Variants in ZSCAN30 observed in about 807,000 individuals in gnomAD.
The protein encoded by ZSCAN30 is zinc finger and SCAN domain-containing protein 30.
ZSCAN30 carries 37 observed loss-of-function variants against 44.3 expected under a neutral mutation model. The ratio of observed to expected loss-of-function variants is 0.84; its 90% CI spans 0.64 to 1.10. The LOEUF is 1.10. ZSCAN30 is among the 50% of genes least tolerant of loss of function. The pLI is 0.00. For missense variants in ZSCAN30, 549 were observed against 582.6 expected, an observed-to-expected ratio of 0.94 and a Z score of 0.59; for synonymous variants, 181 against 204.6, an observed-to-expected ratio of 0.88 and a Z score of 0.98.
chr18:35,274,563 C>A (rs1366220531), intron 1 of ZSCAN30, among the ~76,000 whole-genome samples: 1 of 152,150 alleles, frequency 6.6e-6, no homozygotes, highest in Non-Finnish European at 1.5e-5. Context: ...ACCAAGGTCC[C>A]AACCCTTAGT....
chr18:35,273,580 A>G (rs1316522414), intron 1 of ZSCAN30, among the ~76,000 whole-genome samples: 1 of 152,200 alleles, frequency 6.6e-6, no homozygotes. Context: ...CATTGTATGT[A>G]TCCGGTTTTC....
chr18:35,277,208 C>T (rs1195889531), intron 1 of ZSCAN30, among the ~76,000 whole-genome samples: 1 of 152,220 alleles, frequency 6.6e-6, no homozygotes, highest in African/African-American at 2.4e-5. Flanking sequence ...TTTGATTTTA[C>T]AGGCTCATAG....
Position 35,253,924 on chromosome 18 carries a change from G to C in ZSCAN30, c.1011C>G (p.Ala337=). 2 of 1,614,066 alleles carry C rather than the reference G, an allele frequency of 1.2e-6. No homozygotes were observed. The highest frequency in any genetic ancestry group is 2.2e-5 in the South Asian group (2 of 91,082). ...TAACAAGGTCTGAGCTCAAACTGAA[G>C]GCTTTGCCACATTCTTTACATGCAT... The part of the protein sequence containing the change: ...RPYACKECGK[A]FSLSSDLVRH... The change falls in exon 4 of 4, where the codon GCC becomes GCG. Residue 337 remains alanine, a synonymous_variant. Transcript: ENST00000333206.
intron 1 of ZSCAN30, chr18:35,268,372 G>T (rs1598634173): frequency 6.6e-6 from 1 of 152,286 alleles, no homozygotes; most frequent in Non-Finnish European, 1.5e-5. Context: ...AAGAATACAG[G>T]TGACCCATGA....
intron 1 of ZSCAN30, among the ~76,000 whole-genome samples, chr18:35,271,526 ACT>A (rs2044275625): frequency 2.0e-5 from 3 of 152,220 alleles, no homozygotes; most frequent in Non-Finnish European, 2.9e-5. Flanking sequence ...TGCATATACA[ACT>A]CTCTGGCTAG....
At position 35,264,526 on chromosome 18, in the gene ZSCAN30, G is replaced by C. The variant is rs145582015; in HGVS notation, c.-103-71C>G. The stretch of plus-strand genomic sequence containing the variant: ...TGGAATATAAATACAGGTTTTTGAA[G>C]CCCAGTTGCCAGGGAGCATAGCATT... On this transcript the variant is annotated intron_variant, in intron 1 of 3. Coordinates refer to ENST00000333206, the MANE Select transcript of ZSCAN30 (RefSeq NM_001112734.4). The C allele has an allele frequency of 7.9e-4, 536 of 675,688 alleles. 4 individuals carry two copies. The African/African-American group carries it at 8.7e-3, about 11-fold the overall frequency. 41.9% of individuals were successfully genotyped at this position (675,688 alleles called of 1,614,324 possible).
chr18:35,255,612 G>T (rs946073437), intron 3 of ZSCAN30, among the ~76,000 whole-genome samples: 5 of 152,042 alleles, frequency 3.3e-5, no homozygotes, highest in Admixed American at 6.5e-5. Flanking sequence ...ATTTGGCTTT[G>T]GAAAAGCATT....
chr18:35,273,173 A>G lies in ZSCAN30; in HGVS notation c.-103-8718T>C, dbSNP rs1042210404. The stretch of plus-strand genomic sequence containing the variant: ...TTTTATCTTCCCAAACTGAAACTCC[A>G]TACCAATTAAACAGTGATTCCCCAT... On this transcript the variant is annotated intron_variant, in intron 1 of 3. Transcript: ENST00000333206. Among the ~76,000 whole-genome samples the G allele has an allele frequency of 3.3e-5, 5 of 152,270 alleles. 1 individual carries two copies. The highest frequency in any genetic ancestry group is 4.2e-4 in the South Asian group (2 of 4,818).
chr18:35,254,400 A>G lies in ZSCAN30; in HGVS notation c.554-19T>C. ...CTGCCATCTAAAAATGTGAATAGAAAGTGTAAGTATCATTTACTTCCCATG... is the reference window on the plus strand; with the variant it reads ...CTGCCATCTAAAAATGTGAATAGAAGGTGTAAGTATCATTTACTTCCCATG... On this transcript the variant is annotated intron_variant, in intron 3 of 3. Transcript: ENST00000333206. 1 of 1,613,980 alleles carries G rather than the reference A, an allele frequency of 6.2e-7. No individual in the cohort carries two copies.
rs2043650434 is a variant in ZSCAN30, at chr18:35,252,983, T to TTCACAA, written c.*461_*466dup. 6.5e-6 allele frequency: 1 copy of TTCACAA among 154,872 alleles called. No individual in the cohort carries two copies. Among genetic ancestry groups the TTCACAA allele is most frequent in the Non-Finnish European group, 1.4e-5 (1 of 69,906 alleles). The allele number at this position is 154,872 out of a possible 1,614,324, so 9.6% of individuals were successfully genotyped here. The stretch of plus-strand genomic sequence containing the variant: ...TAAACTAATAGCATAATTCAATATT[T>TTCACAA]TCACAACCTCCAAATTCAACATTTC... On this transcript the variant is annotated 3_prime_UTR_variant, in exon 4 of 4. Transcript: ENST00000333206.
At chr18:35,276,166 A>G (rs1015154715) in intron 1 of ZSCAN30, among the ~76,000 whole-genome samples, 2 of 152,226 alleles carry the variant, frequency 1.3e-5, no homozygotes, top group African/African-American at 4.8e-5. Flanking sequence ...ATGAAATGAG[A>G]TGGAAGATAT....
intron 1 of ZSCAN30, among the ~76,000 whole-genome samples, chr18:35,273,767 A>G (rs1440913958): frequency 6.6e-6 from 1 of 152,234 alleles, no homozygotes; most frequent in East Asian, 1.9e-4. Context: ...TAATTAAATC[A>G]GGAATTAGAG....
At chr18:35,280,972 AG>A (rs1316819151) in intron 1 of ZSCAN30, 1 of 152,234 alleles carries the variant, frequency 6.6e-6, no homozygotes, top group Non-Finnish European at 1.5e-5. Context: ...ATACATGATA[AG>A]CAAAAGTCCA....
At chr18:35,285,435 A>G (rs1316114107) in intron 1 of ZSCAN30, among the ~76,000 whole-genome samples, 1 of 152,218 alleles carries the variant, frequency 6.6e-6, no homozygotes, top group African/African-American at 2.4e-5. Context: ...CAGCAGCAGA[A>G]TATATTAATA....
intron 1 of ZSCAN30, among the ~76,000 whole-genome samples, chr18:35,272,758 G>A (rs973401366): frequency 1.3e-5 from 2 of 152,216 alleles, no homozygotes; most frequent in African/African-American, 4.8e-5. Context: ...ATAAAGACGT[G>A]CCCAAAACTG....
chr18:35,284,504 A>AG (rs1172116353), intron 1 of ZSCAN30: 1 of 154,876 alleles, frequency 6.5e-6, no homozygotes, highest in Non-Finnish European at 1.5e-5. Flanking sequence ...CAAAGTCTGG[A>AG]GGGGGCTGAA....
At chr18:35,272,050 G>A (rs913865006) in intron 1 of ZSCAN30, among the ~76,000 whole-genome samples, 10 of 152,156 alleles carry the variant, frequency 6.6e-5, no homozygotes, top group South Asian at 2.1e-4. Context: ...GCTCCCCCTC[G>A]GCCAGCCCAG....
chr18:35,278,088 G>A (rs1459967157), intron 1 of ZSCAN30, among the ~76,000 whole-genome samples: 1 of 48,506 alleles, frequency 2.1e-5, no homozygotes, highest in Non-Finnish European at 6.8e-5. Context: ...TTTGGATCAT[G>A]GTTATTTATA....
chr18:35,273,729 G>C (rs1195014599), intron 1 of ZSCAN30, among the ~76,000 whole-genome samples: 1 of 152,176 alleles, frequency 6.6e-6, no homozygotes. Flanking sequence ...TCTTATGCCA[G>C]TACCACACTG....
Sources: gnomAD v4.1 joint callset for allele counts (sites outside exome capture counted in the v4.1 genomes callset) on GRCh38, gnomAD v4.1.1 for gene constraint, MANE v1.5 for transcripts, NCBI Gene and HGNC (gene_info 2026-07-23, HGNC 2026-07-21) for gene names.